The following MTOR variants were observed in gnomAD, a reference collection of about 807,000 sequenced individuals.
MTOR encodes the protein serine/threonine-protein kinase mTOR.
A neutral mutation model predicts 319.8 loss-of-function variants in MTOR; 70 were observed. The ratio of observed to expected loss-of-function variants is 0.22; its 90% CI spans 0.18 to 0.27. MTOR has a LOEUF of 0.27. Among genes scored for constraint, MTOR ranks in the 10% least tolerant of loss-of-function variants. The pLI is 1.00. For synonymous variants in MTOR, 1,183 were observed against 1,211.4 expected, an observed-to-expected ratio of 0.98 and a Z score of 0.49; for missense variants, 1,890 against 3,274.4, an observed-to-expected ratio of 0.58 and a Z score of 10.32.
At position 11,121,952 on chromosome 1, in the gene MTOR, A is replaced by G. The variant is rs772147047; in HGVS notation, c.6810+27T>C. 2.5e-6 allele frequency: 4 copies of G among 1,612,082 alleles called. No individual in the cohort carries two copies. The highest frequency in any genetic ancestry group is 3.4e-6 in the Non-Finnish European group (4 of 1,178,698). On this transcript the variant is annotated intron_variant, in intron 48 of 57. Coordinates refer to ENST00000361445, the MANE Select transcript of MTOR (RefSeq NM_004958.4). This position sits in a 1 kb window ranked among gnomAD's most constrained non-coding sequence, Gnocchi z 4.9. ...GGAGATTCCCTGCCACGGAAGGGGC[A>G]CTAGCTCTCGTGGCCGCATCACATA...
At chr1:11,144,073 G>A (rs1643837826) in intron 34 of MTOR, 1 of 152,276 alleles carries the variant, frequency 6.6e-6, no homozygotes, top group Non-Finnish European at 1.5e-5. Flanking sequence ...CTCAATAGAG[G>A]CGACAGGATG....
At chr1:11,230,886 G>A (rs1310437605) in intron 18 of MTOR, 39 bp downstream of exon 18, 2 of 1,612,330 alleles carry the variant, frequency 1.2e-6, no homozygotes, top group Non-Finnish European at 8.5e-7. Flanking sequence ...CTCTGTGAGT[G>A]AGAACTTGGC....
chr1:11,136,896 C>T (rs1226433324), intron 36 of MTOR, among the ~76,000 whole-genome samples: 2 of 149,472 alleles, frequency 1.3e-5, no homozygotes, highest in African/African-American at 2.5e-5. Flanking sequence ...GGATGGAGTG[C>T]AGTGGCGTGA....
intron 29 of MTOR, among the ~76,000 whole-genome samples, chr1:11,164,349 AAAAAAGAG>A (rs1224102141): frequency 2.0e-5 from 3 of 151,514 alleles, no homozygotes; most frequent in Admixed American, 6.6e-5. Flanking sequence ...AAAAAAAAAA[AAAAAAGAG>A]AGAGAGAGAG....
At chr1:11,211,529 G>C (rs1051476866) in intron 23 of MTOR, among the ~76,000 whole-genome samples, 11 of 152,130 alleles carry the variant, frequency 7.2e-5, no homozygotes, top group Non-Finnish European at 1.6e-4. Context: ...TCCTACGCCT[G>C]GCTAAGTTTT....
intron 29 of MTOR, among the ~76,000 whole-genome samples, chr1:11,163,266 G>C (rs1644536283): frequency 6.6e-6 from 1 of 152,108 alleles, no homozygotes; most frequent in Admixed American, 6.5e-5. Flanking sequence ...CCCAGTACAG[G>C]AGCACCCAGA....
At chr1:11,202,243 C>CTT (rs1645995118) in intron 26 of MTOR, among the ~76,000 whole-genome samples, 1 of 151,978 alleles carries the variant, frequency 6.6e-6, no homozygotes, top group Non-Finnish European at 1.5e-5. Flanking sequence ...TCCTGGCTAA[C>CTT]ATGGTGAAAT....
At position 11,228,702 on chromosome 1, in the gene MTOR, T is replaced by C. The variant is rs745775981; in HGVS notation, c.2996A>G (p.Asn999Ser). Residue 999 changes from asparagine to serine, a missense_variant, in exon 19 of 58, where the codon AAC (asparagine) becomes AGC (serine). Around this residue, in one of 15 missense-constraint regions of MTOR, gnomAD observed 377 missense variants for 653.9 expected, o/e 0.58. Coordinates refer to ENST00000361445, the MANE Select transcript of MTOR (RefSeq NM_004958.4). ...GGCCCCATCACAGACTCGAATGACG[T>C]TAAGGAACGTGGGCATGACCTGGGG... ...FLPQVMPTFLNVIRVCDGAIR... is the reference protein window; with the variant it reads ...FLPQVMPTFLSVIRVCDGAIR... 6.2e-7 allele frequency: 1 copy of C among 1,613,860 alleles called. No homozygotes were observed. Among genetic ancestry groups the C allele is most frequent in the Non-Finnish European group, 8.5e-7 (1 of 1,179,980 alleles).
Position 11,107,355 on chromosome 1 carries a change from G to A in MTOR, c.*130C>T, listed in dbSNP as rs1057081. ...TCAAACCAACTTTTAATATACAGTA[G>A]TTCTTTTCATTTACATTTCAAAATA... On this transcript the variant is annotated 3_prime_UTR_variant, in exon 58 of 58. Coordinates refer to ENST00000361445, the MANE Select transcript of MTOR (RefSeq NM_004958.4). 2 of 1,539,276 alleles carry A rather than the reference G, an allele frequency of 1.3e-6. No homozygotes were observed. Among genetic ancestry groups the A allele is most frequent in the African/African-American group, 2.8e-5 (2 of 71,826 alleles).
At chr1:11,165,417 T>G (rs200826187) in intron 29 of MTOR, among the ~76,000 whole-genome samples, 1 of 152,140 alleles carries the variant, frequency 6.6e-6, no homozygotes, top group East Asian at 1.9e-4. Context: ...AAAATCAATG[T>G]GCAAAAATCA....
At chr1:11,192,685 C>CAGTGAG (rs1645589378) in intron 28 of MTOR, among the ~76,000 whole-genome samples, 1 of 148,178 alleles carries the variant, frequency 6.7e-6, no homozygotes, top group African/African-American at 2.5e-5. Context: ...GCAGAGGTTG[C>CAGTGAG]AGTGAGCCGA....
chr1:11,189,633 CTT>C, intron 28 of MTOR: 1 of 1,614,040 alleles, frequency 6.2e-7, no homozygotes, highest in East Asian at 2.2e-5. Context: ...TCATCGTGGC[CTT>C]TGTCAGCCAC....
intron 6 of MTOR, among the ~76,000 whole-genome samples, chr1:11,250,133 C>T (rs1186517907): frequency 2.1e-5 from 3 of 145,572 alleles, no homozygotes; most frequent in Non-Finnish European, 3.1e-5. Context: ...CGGGCAGAGG[C>T]GCCCCTCACC....
chr1:11,247,845 CT>C lies in MTOR; in HGVS notation c.1089del (p.Asp364ThrfsTer2). 1 of 1,613,788 alleles carries C rather than the reference CT, an allele frequency of 6.2e-7. No homozygotes were observed. Among genetic ancestry groups the C allele is most frequent in the Non-Finnish European group, 8.5e-7 (1 of 1,179,758 alleles). The stretch of plus-strand genomic sequence containing the variant: ...TGATCAAATTTCTCCTCCATCAAGT[CT>C]CTGCAACACCGGCTCTCCACCAGGG... ...KSTLVESRCC[R>X]DLMEEKFDQV... On this transcript the variant is annotated frameshift_variant, in exon 7 of 58. Transcript: ENST00000361445. LOFTEE classifies it high-confidence loss of function.
rs189577781 is a variant in MTOR at position 11,115,092 on chromosome 1, G to A, written c.7090-205C>T. Among the ~76,000 whole-genome samples, 2 of 152,046 alleles carry A rather than the reference G, an allele frequency of 1.3e-5. No individual in the cohort carries two copies. Among genetic ancestry groups the A allele is most frequent in the East Asian group, 3.9e-4 (2 of 5,176 alleles). ...AAAAGAAACGAACAACAGAAAAGAA[G>A]AGAAAACAAAAAGGAAAAAAGACAA... On this transcript the variant is annotated intron_variant, in intron 51 of 57. Coordinates refer to ENST00000361445, the MANE Select transcript of MTOR (RefSeq NM_004958.4). The surrounding 1 kb of genome is among the most constrained non-coding windows in gnomAD (Gnocchi z 4.5).
chr1:11,251,967 A>C (rs1476472552), intron 6 of MTOR, among the ~76,000 whole-genome samples: 1 of 152,116 alleles, frequency 6.6e-6, no homozygotes, highest in East Asian at 1.9e-4. Context: ...GTAAAATCTG[A>C]AGGTTACCAT....
chr1:11,109,458 T>G lies in MTOR; in HGVS notation c.7448-88A>C. 7.6e-7 allele frequency: 1 copy of G among 1,320,588 alleles called. No homozygotes were observed. Among genetic ancestry groups the G allele is most frequent in the Non-Finnish European group, 1.1e-6 (1 of 925,920 alleles). The allele number at this position is 1,320,588 out of a possible 1,614,324, so 81.8% of individuals were successfully genotyped here. ...GCCCTGTTTTTCTCAAATATTCACT[T>G]TTGTAAGTGTTAAGCAATCCTTCCT... On this transcript the variant is annotated intron_variant, in intron 55 of 57. Transcript: ENST00000361445. The surrounding 1 kb of genome is among the most constrained non-coding windows in gnomAD (Gnocchi z 4.0).
intron 34 of MTOR, chr1:11,144,409 T>C: frequency 2.4e-6 from 1 of 425,360 alleles, no homozygotes; most frequent in East Asian, 3.5e-5. Context: ...CTAAAAAACA[T>C]TTTTTTTAAT....
chr1:11,140,181 A>G lies in MTOR; in HGVS notation c.4873-523T>C, dbSNP rs1353662209. Among the ~76,000 whole-genome samples, 8 of 152,168 alleles carry G rather than the reference A, an allele frequency of 5.3e-5. No individual in the cohort carries two copies. The East Asian group carries it at 1.5e-3, about 29-fold the overall frequency. On this transcript the variant is annotated intron_variant, in intron 34 of 57. Transcript: ENST00000361445. ...AGCCAATTCCACTGTGAAACACAAC[A>G]GAGATTTGCTGATAGAATCTCAGCT... is the stretch of plus-strand genomic sequence containing the variant.
Sources: allele counts gnomAD v4.1 joint callset (sites outside exome capture counted in the v4.1 genomes callset), GRCh38; gene constraint gnomAD v4.1.1; regional missense constraint gnomAD v4.1.1; non-coding constraint Gnocchi (gnomAD v3.1); transcripts MANE v1.5; gene names NCBI Gene and HGNC (gene_info 2026-07-23, HGNC 2026-07-21).